Variants in RASA3 observed in about 807,000 individuals in gnomAD.
RASA3 encodes RAS p21 protein activator 3.
RASA3 carries 73 observed loss-of-function variants against 110.0 expected under a neutral mutation model. That is an observed-to-expected ratio of 0.66 (90% confidence interval 0.55 to 0.81). The LOEUF (loss-of-function observed/expected upper bound fraction) is 0.81, where lower values mean the gene tolerates loss of function less well. Ranked by LOEUF, RASA3 falls within the 30% of genes least tolerant of loss-of-function variation. The pLI is 0.00. For synonymous variants in RASA3, 500 were observed against 451.4 expected, an observed-to-expected ratio of 1.11 and a Z score of -1.37; for missense variants, 976 against 1,113.2, an observed-to-expected ratio of 0.88 and a Z score of 1.75.
rs367848496 is a variant in RASA3 at position 114,052,042 on chromosome 13, C to T, written c.277+10G>A. Reference sequence around the variant, plus strand: ...AGAAAAGGGGAAGTAAATGCTCATTCATCACCTACCTATGATGGAATCCCT... The same window carrying T: ...AGAAAAGGGGAAGTAAATGCTCATTTATCACCTACCTATGATGGAATCCCT... On this transcript the variant is annotated intron_variant, in intron 3 of 23. Transcript: ENST00000334062. 1.9e-6 allele frequency: 3 copies of T among 1,573,462 alleles called. No homozygotes were observed. In the Admixed American group the frequency reaches 5.0e-5, roughly 26 times the overall value.
At chr13:114,074,467 G>A (rs747627027) in intron 1 of RASA3, among the ~76,000 whole-genome samples, 1 of 152,178 alleles carries the variant, frequency 6.6e-6, no homozygotes, top group Non-Finnish European at 1.5e-5. Flanking sequence ...TCTATTTTAA[G>A]GTTGAATAAC....
intron 8 of RASA3, 42 bp from the exon 9 acceptor site, chr13:114,021,550 G>A: frequency 6.4e-7 from 1 of 1,559,066 alleles, no homozygotes; most frequent in Non-Finnish European, 8.8e-7. Flanking sequence ...ACGGCGGGCA[G>A]CCCGTGTGGA....
intron 2 of RASA3, among the ~76,000 whole-genome samples, chr13:114,052,923 G>A (rs9562213): frequency 0.013 from 1,447 of 108,480 alleles, 46 homozygotes; most frequent in Admixed American, 0.077. Flanking sequence ...AGAGACCCCC[G>A]CTGCTGACTG....
intron 11 of RASA3, 40 bp downstream of exon 11, chr13:114,018,064 G>A: frequency 6.8e-7 from 1 of 1,467,332 alleles, no homozygotes; most frequent in Non-Finnish European, 9.1e-7. Flanking sequence ...CCCTGTAGCG[G>A]GTCCAGGCCG....
At chr13:114,031,126 C>T (rs1319973781) in intron 4 of RASA3, among the ~76,000 whole-genome samples, 2 of 139,288 alleles carry the variant, frequency 1.4e-5, no homozygotes, top group Admixed American at 7.2e-5. Flanking sequence ...TGTATGTGTC[C>T]ACCTGTGTGC....
chr13:114,013,928 C>CTA (rs2053723224), intron 14 of RASA3, among the ~76,000 whole-genome samples: 1 of 122,340 alleles, frequency 8.2e-6, no homozygotes, highest in Non-Finnish European at 1.7e-5. Flanking sequence ...CTCTCCGTCT[C>CTA]TCTCTCCCTG....
chr13:114,018,495 C>A (rs939357195), intron 10 of RASA3, among the ~76,000 whole-genome samples: 2 of 152,212 alleles, frequency 1.3e-5, no homozygotes, highest in Non-Finnish European at 2.9e-5. Flanking sequence ...GCCCCTGAGC[C>A]GGTAGAGGGA....
chr13:114,126,331 C>G (rs2080448597), intron 1 of RASA3, among the ~76,000 whole-genome samples: 1 of 152,232 alleles, frequency 6.6e-6, no homozygotes, highest in South Asian at 2.1e-4. Context: ...GTCCCACTGG[C>G]CCCTCCAGCT....
chr13:114,013,944 ATCTCTCTGTCTC>A (rs1566479388), intron 14 of RASA3, among the ~76,000 whole-genome samples: 1 of 28,918 alleles, frequency 3.5e-5, no homozygotes, highest in Non-Finnish European at 7.0e-5. Context: ...CCCTGTCTCT[ATCTCTCTGTCTC>A]TCTCTCTCTC....
At chr13:114,052,280 T>C (rs2079158434) in intron 2 of RASA3, 125 bp from the exon 3 acceptor site, 3 of 629,722 alleles carry the variant, frequency 4.8e-6, no homozygotes, top group Non-Finnish European at 8.5e-6. Context: ...GTGGCACGCA[T>C]GAGACATGAA....
chr13:114,067,003 CAACCTGGGCTGAGGACGGGCCCCCT>C (rs1566545699), intron 2 of RASA3, among the ~76,000 whole-genome samples: 6 of 147,584 alleles, frequency 4.1e-5, no homozygotes, highest in Non-Finnish European at 9.0e-5. Flanking sequence ...ACGGGCCCCC[CAACCTGGGCTGAGGACGGGCCCCCT>C]GACCTGGGCT....
chr13:114,096,817 CGTCT>C lies in RASA3; in HGVS notation c.56-22984_56-22981del, dbSNP rs992292205. On this transcript the variant is annotated intron_variant, in intron 1 of 23. Transcript: ENST00000334062. The surrounding 1 kb of genome is among the most constrained non-coding windows in gnomAD (Gnocchi z 5.1). ...CTCTGGAGCCCCTACAAGCAACGTC[CGTCT>C]GTGTCCAGGCCGATCTCGCTGCTCC... Among the ~76,000 whole-genome samples, 2 of 152,176 alleles carry C rather than the reference CGTCT, an allele frequency of 1.3e-5. No homozygotes were observed. Among genetic ancestry groups the C allele is most frequent in the African/African-American group, 4.8e-5 (2 of 41,432 alleles).
chr13:114,020,485 G>A (rs184295479), intron 9 of RASA3, among the ~76,000 whole-genome samples: 4 of 152,322 alleles, frequency 2.6e-5, no homozygotes, highest in Admixed American at 2.0e-4. Context: ...CAAAAGACAC[G>A]CGTGTTTCAC....
chr13:114,030,444 AGAGGGCAAGGCTCACAC>A (rs2054132608), intron 4 of RASA3, among the ~76,000 whole-genome samples: 1 of 114,410 alleles, frequency 8.7e-6, no homozygotes, highest in African/African-American at 3.0e-5. Context: ...AGGCTCACAC[AGAGGGCAAGGCTCACAC>A]AGAGGGCAAG....
rs61967986 is a variant in RASA3 at position 113,991,213 on chromosome 13, G to A, written c.2245+1272C>T. On this transcript the variant is annotated intron_variant, in intron 22 of 23. Coordinates refer to ENST00000334062, the MANE Select transcript of RASA3 (RefSeq NM_007368.4). ...GGGCATGCGGGGCTGGAGAACAGGC[G>A]TGGCCAAGCTCACAGATGGGCAGCT... is the stretch of plus-strand genomic sequence containing the variant. Among the ~76,000 whole-genome samples, 6 of 70,328 alleles carry A rather than the reference G, an allele frequency of 8.5e-5. 1 individual carries two copies. The highest frequency in any genetic ancestry group is 3.2e-4 in the East Asian group (1 of 3,122). 46.1% of individuals were successfully genotyped at this position (70,328 alleles called of 152,430 possible).
At chr13:113,998,119 T>C (rs1338793896) in intron 20 of RASA3, among the ~76,000 whole-genome samples, 2 of 152,126 alleles carry the variant, frequency 1.3e-5, no homozygotes, top group Non-Finnish European at 2.9e-5. Flanking sequence ...ACTAGGGAAT[T>C]ATTGGGAATC....
Position 114,106,090 on chromosome 13 carries a change from C to T in RASA3, c.55+26345G>A, listed in dbSNP as rs1040549649. Reference sequence around the variant, plus strand: ...TGGGTGCACATCGCAGAGCGGCACACGGCAGCCTCCGGATGGGCGCATGGC... The same window carrying T: ...TGGGTGCACATCGCAGAGCGGCACATGGCAGCCTCCGGATGGGCGCATGGC... On this transcript the variant is annotated intron_variant, in intron 1 of 23. Transcript: ENST00000334062. Among the ~76,000 whole-genome samples, 7 of 152,284 alleles carry T rather than the reference C, an allele frequency of 4.6e-5. 1 individual carries two copies. In the South Asian group the frequency reaches 8.3e-4, roughly 18 times the overall value.
intron 15 of RASA3, 68 bp downstream of exon 15, chr13:114,013,074 G>T: frequency 7.2e-7 from 1 of 1,384,258 alleles, no homozygotes; most frequent in South Asian, 1.3e-5. Flanking sequence ...CAGCCACGCA[G>T]ATGCCCCAAC....
chr13:114,040,148 G>A (rs765553359), intron 4 of RASA3, among the ~76,000 whole-genome samples: 1 of 152,268 alleles, frequency 6.6e-6, no homozygotes, highest in African/African-American at 2.4e-5. Context: ...GGCGGCAGTA[G>A]GCAAAGGGAA....
Sources: gnomAD v4.1 joint callset for allele counts (sites outside exome capture counted in the v4.1 genomes callset) on GRCh38, gnomAD v4.1.1 for gene constraint, Gnocchi (gnomAD v3.1) non-coding constraint, MANE v1.5 for transcripts, NCBI Gene and HGNC (gene_info 2026-07-23, HGNC 2026-07-21) for gene names.